Variants in P2RY10 observed in about 807,000 individuals in gnomAD.
P2RY10 encodes putative P2Y purinoceptor 10.
A neutral mutation model predicts 12.1 loss-of-function variants in P2RY10; 4 were observed. The ratio of observed to expected loss-of-function variants is 0.33; its 90% CI spans 0.16 to 0.76. The LOEUF (loss-of-function observed/expected upper bound fraction) is 0.76. P2RY10 is among the 30% of genes least tolerant of loss of function. The pLI is 0.61. For synonymous variants in P2RY10, 112 were observed against 94.1 expected, an observed-to-expected ratio of 1.19 and a Z score of -1.10; for missense variants, 233 against 264.6, an observed-to-expected ratio of 0.88 and a Z score of 0.83.
At chrX:78,949,958 G>A (rs891230862) in intron 2 of P2RY10, among the ~76,000 whole-genome samples, 2 of 111,710 alleles carry the variant, frequency 1.8e-5, no homozygotes, top group African/African-American at 6.5e-5. Context: ...AAGGTAAGAT[G>A]AGGCAAAGCA....
chrX:78,950,441 T>A (rs923886405), intron 2 of P2RY10, among the ~76,000 whole-genome samples: 1 of 111,714 alleles, frequency 9.0e-6, no homozygotes, highest in Non-Finnish European at 1.9e-5. Context: ...TCCAAGTATC[T>A]TAGCTACAAA....
Position 78,962,254 on chromosome X carries a change from C to T in P2RY10, c.*714C>T, listed in dbSNP as rs1348555693. ...CATCACCCGAGCAGTATACACTGCA[C>T]CACATTTGTAGTCTTCTATCCCTCG... is the stretch of plus-strand genomic sequence containing the variant. On this transcript the variant is annotated 3_prime_UTR_variant, in exon 4 of 4. Coordinates refer to ENST00000171757, the MANE Select transcript of P2RY10 (RefSeq NM_014499.4). Among the ~76,000 whole-genome samples, 1 of 110,842 alleles carries T rather than the reference C, an allele frequency of 9.0e-6. No individual in the cohort carries two copies. Among genetic ancestry groups the T allele is most frequent in the Admixed American group, 9.6e-5 (1 of 10,376 alleles).
At chrX:78,956,225 C>T in intron 3 of P2RY10, among the ~76,000 whole-genome samples, 1 of 111,537 alleles carries the variant, frequency 9.0e-6, no homozygotes, top group Non-Finnish European at 1.9e-5. Context: ...CCTGTGATTT[C>T]TAAATTGATT....
At chrX:78,950,878 T>A (rs1922073872) in intron 2 of P2RY10, among the ~76,000 whole-genome samples, 1 of 112,139 alleles carries the variant, frequency 8.9e-6, no homozygotes, top group Non-Finnish European at 1.9e-5. Context: ...AGAAAGTCAC[T>A]TACTCCTGCT....
rs1922625204 is a variant in P2RY10, at chrX:78,961,560, T to A, written c.*20T>A. 4 of 1,114,931 alleles carry A rather than the reference T, an allele frequency of 3.6e-6. No individual in the cohort carries two copies. Among genetic ancestry groups the A allele is most frequent in the Non-Finnish European group, 4.9e-6 (4 of 822,410 alleles). 91.9% of individuals were successfully genotyped at this position (1,114,931 alleles called of 1,213,427 possible). A position where few individuals can be genotyped will look rare whatever the true frequency, so the allele number is the denominator to read the frequency against. On this transcript the variant is annotated 3_prime_UTR_variant, in exon 4 of 4. Coordinates refer to ENST00000171757, the MANE Select transcript of P2RY10 (RefSeq NM_014499.4). The stretch of plus-strand genomic sequence containing the variant: ...GGCTAAAATTAAGATATCTCTTTAA[T>A]TACGCCTTTGTTTACCTACGTTCCT...
intron 2 of P2RY10, among the ~76,000 whole-genome samples, chrX:78,951,142 G>A (rs1418413665): frequency 9.0e-6 from 1 of 111,725 alleles, no homozygotes; most frequent in Non-Finnish European, 1.9e-5. Context: ...GATGGTATTA[G>A]TATCTAGTAA....
In P2RY10 at chrX:78,962,453, A is replaced by T. The variant is rs1922677663; in HGVS notation, c.*913A>T. Among the ~76,000 whole-genome samples, 1 of 112,026 alleles carries T rather than the reference A, an allele frequency of 8.9e-6. No individual in the cohort carries two copies. Among genetic ancestry groups the T allele is most frequent in the African/African-American group, 3.2e-5 (1 of 30,822 alleles). On this transcript the variant is annotated 3_prime_UTR_variant, in exon 4 of 4. Coordinates refer to ENST00000171757, the MANE Select transcript of P2RY10 (RefSeq NM_014499.4). ...ATAATACACCATATATGCTTATGTT[A>T]TTCCCTTGCTTTTGTTGTTACATTT...
intron 3 of P2RY10, among the ~76,000 whole-genome samples, chrX:78,956,741 T>C (rs972559877): frequency 2.7e-5 from 3 of 111,506 alleles, no homozygotes; most frequent in Non-Finnish European, 5.7e-5. Context: ...GATGTGAATT[T>C]TGTGACCTCA....
chrX:78,949,549 G>T (rs1004846732), intron 2 of P2RY10, among the ~76,000 whole-genome samples: 6 of 111,985 alleles, frequency 5.4e-5, no homozygotes, highest in Non-Finnish European at 1.1e-4. Context: ...ATAAAATGCT[G>T]CCACAGCTGC....
chrX:78,949,180 A>G (rs927794563), intron 2 of P2RY10, among the ~76,000 whole-genome samples: 3 of 111,112 alleles, frequency 2.7e-5, no homozygotes, highest in African/African-American at 9.8e-5. Flanking sequence ...GGCCATTTGT[A>G]TATCTTCTTT....
chrX:78,960,583 T>C lies in P2RY10; in HGVS notation c.63T>C (p.Ala21=). The C allele has an allele frequency of 8.3e-7, 1 of 1,207,464 alleles. No homozygotes were observed. Among genetic ancestry groups the C allele is most frequent in the Non-Finnish European group, 1.1e-6 (1 of 891,406 alleles). The change falls in exon 4 of 4, where the codon GCT becomes GCC. Residue 21 remains alanine (A), a synonymous_variant. Coordinates refer to ENST00000171757, the MANE Select transcript of P2RY10 (RefSeq NM_014499.4). The part of the protein sequence containing the change: ...FKMGSNSTST[A]EIYCNVTNVK... Reference sequence around the variant, plus strand: ...TGGGTAGCAACAGTACCAGCACTGCTGAGATTTACTGTAATGTCACTAATG... The same window carrying C: ...TGGGTAGCAACAGTACCAGCACTGCCGAGATTTACTGTAATGTCACTAATG...
At chrX:78,950,706 C>T (rs1393838944) in intron 2 of P2RY10, among the ~76,000 whole-genome samples, 3 of 111,606 alleles carry the variant, frequency 2.7e-5, no homozygotes, top group Admixed American at 9.5e-5. Flanking sequence ...GAACTAGAAC[C>T]GAAAACAATA....
intron 3 of P2RY10, among the ~76,000 whole-genome samples, chrX:78,955,915 CA>C (rs1436792723): frequency 9.0e-6 from 1 of 111,175 alleles, no homozygotes; most frequent in African/African-American, 3.3e-5. Flanking sequence ...GGCTTTAAAG[CA>C]GCCAAAGTCC....
At chrX:78,959,108 G>T (rs1223949897) in intron 3 of P2RY10, among the ~76,000 whole-genome samples, 1 of 110,839 alleles carries the variant, frequency 9.0e-6, no homozygotes, top group Non-Finnish European at 1.9e-5. Context: ...TCAGTACATT[G>T]TTTTTTTTCC....
rs1277706362 is a variant in P2RY10, at chrX:78,962,247, C to CAT, written c.*708_*709insTA. ...GTGCAGCCATCACCCGAGCAGTATACACTGCACCACATTTGTAGTCTTCTA... is the reference window on the plus strand; with the variant it reads ...GTGCAGCCATCACCCGAGCAGTATACATACTGCACCACATTTGTAGTCTTCTA... On this transcript the variant is annotated 3_prime_UTR_variant, in exon 4 of 4. Coordinates refer to ENST00000171757, the MANE Select transcript of P2RY10 (RefSeq NM_014499.4). 1.8e-5 allele frequency among the ~76,000 whole-genome samples: 2 copies of CAT among 110,792 alleles called. No individual in the cohort carries two copies.
chrX:78,960,820 T>C lies in P2RY10; in HGVS notation c.300T>C (p.Pro100=). ...ACTATTACATCAGCCACCACTGGCCTTTCCAGAGAGCCCTTTGCCTGCTCT... is the reference window on the plus strand; with the variant it reads ...ACTATTACATCAGCCACCACTGGCCCTTCCAGAGAGCCCTTTGCCTGCTCT... ...RIYYYISHHW[P]FQRALCLLCF... The change falls in exon 4 of 4, where the codon CCT becomes CCC. Residue 100 remains proline, a synonymous_variant. Coordinates refer to ENST00000171757, the MANE Select transcript of P2RY10 (RefSeq NM_014499.4). 8.3e-7 allele frequency: 1 copy of C among 1,211,465 alleles called. No homozygotes were observed. The highest frequency in any genetic ancestry group is 1.1e-6 in the Non-Finnish European group (1 of 894,982).
At chrX:78,950,969 A>G (rs1922077933) in intron 2 of P2RY10, among the ~76,000 whole-genome samples, 1 of 112,065 alleles carries the variant, frequency 8.9e-6, no homozygotes, top group African/African-American at 3.2e-5. Context: ...TAACGTGAAT[A>G]GCACTTAGCT....
intron 3 of P2RY10, among the ~76,000 whole-genome samples, chrX:78,957,749 G>C (rs1429452774): frequency 9.0e-6 from 1 of 111,570 alleles, no homozygotes; most frequent in Non-Finnish European, 1.9e-5. Context: ...CGCTCACAAT[G>C]AACTGTGAAT....
chrX:78,945,959 C>T (rs894509231), intron 1 of P2RY10, among the ~76,000 whole-genome samples: 84 of 111,850 alleles, frequency 7.5e-4, no homozygotes, highest in African/African-American at 2.7e-3. Flanking sequence ...TTCAGAGATA[C>T]TGAGACAAAT....
Sources: gnomAD v4.1 joint callset for allele counts (sites outside exome capture counted in the v4.1 genomes callset) on GRCh38, gnomAD v4.1.1 for gene constraint, MANE v1.5 for transcripts, NCBI Gene and HGNC (gene_info 2026-07-23, HGNC 2026-07-21) for gene names.